Variants in ANXA5 observed in about 807,000 individuals in gnomAD.
ANXA5 encodes the protein annexin A5.
ANXA5 carries 40 observed loss-of-function variants against 48.1 expected under a neutral mutation model. The ratio of observed to expected loss-of-function variants is 0.83; its 90% CI spans 0.65 to 1.08. ANXA5 has a LOEUF of 1.08. ANXA5 is among the 50% of genes least tolerant of loss of function. ANXA5 has a pLI of 0.00. For missense variants in ANXA5, 357 were observed against 376.8 expected (o/e 0.95, Z 0.44); for synonymous variants, 113 against 129.1 (o/e 0.88, Z 0.85).
Position 121,696,597 on chromosome 4 carries a change from A to T in ANXA5, c.-8T>A, listed in dbSNP as rs752421416. 7.5e-5 allele frequency: 108 copies of T among 1,430,708 alleles called. No individual in the cohort carries two copies. Among genetic ancestry groups the T allele is most frequent in the Non-Finnish European group, 9.5e-5 (103 of 1,081,922 alleles). 88.6% of individuals were successfully genotyped at this position (1,430,708 alleles called of 1,614,324 possible). ...CGGCCTTACCTGTGCCATGGCGACTACTCAGGTCAGGGGAAGGTGAAGCAG... is the reference window on the plus strand; with the variant it reads ...CGGCCTTACCTGTGCCATGGCGACTTCTCAGGTCAGGGGAAGGTGAAGCAG... On this transcript the variant is annotated 5_prime_UTR_variant, in exon 2 of 13. Transcript: ENST00000296511.
At chr4:121,670,282 A>G (rs934879623) in intron 10 of ANXA5, among the ~76,000 whole-genome samples, 1 of 152,208 alleles carries the variant, frequency 6.6e-6, no homozygotes, top group Non-Finnish European at 1.5e-5. Context: ...TGGTTCTGTG[A>G]AGACTTTTTG....
intron 2 of ANXA5, among the ~76,000 whole-genome samples, chr4:121,689,791 G>C (rs17051389): frequency 6.6e-6 from 1 of 152,172 alleles, no homozygotes. Context: ...GGAACCGACT[G>C]TGCAAGAGTG....
At chr4:121,673,841 GTTCA>G (rs1724651605) in intron 8 of ANXA5, among the ~76,000 whole-genome samples, 1 of 151,914 alleles carries the variant, frequency 6.6e-6, no homozygotes, top group South Asian at 2.1e-4. Flanking sequence ...AACAACGCAA[GTTCA>G]TTGAGAAATT....
At position 121,668,440 on chromosome 4, in the gene ANXA5, A is replaced by C; in HGVS notation, c.*28T>G. Reference sequence around the variant, plus strand: ...GAAGGCAGTGGGGTGGTGCAGGCACACAGCAGGGAGCTCTTCCCCGTGACA... The same window carrying C: ...GAAGGCAGTGGGGTGGTGCAGGCACCCAGCAGGGAGCTCTTCCCCGTGACA... On this transcript the variant is annotated 3_prime_UTR_variant, in exon 13 of 13. Transcript: ENST00000296511. 1.2e-6 allele frequency: 2 copies of C among 1,611,520 alleles called. No homozygotes were observed. Among genetic ancestry groups the C allele is most frequent in the Non-Finnish European group, 1.7e-6 (2 of 1,177,912 alleles).
rs942073009 is a variant in ANXA5, at chr4:121,671,702, T to G, written c.626-60A>C. ...GGGATCACTCTTTCCAGAAAGATGG[T>G]ATTTACTTTGATTAGGTAGTGTCTT... On this transcript the variant is annotated intron_variant, in intron 9 of 12. Coordinates refer to ENST00000296511, the MANE Select transcript of ANXA5 (RefSeq NM_001154.4). 15 of 1,202,654 alleles carry G rather than the reference T, an allele frequency of 1.2e-5. No individual in the cohort carries two copies. In the South Asian group the frequency reaches 1.9e-4, roughly 15 times the overall value. The allele number at this position is 1,202,654 out of a possible 1,614,324, so 74.5% of individuals were successfully genotyped here.
chr4:121,694,168 AG>A (rs1725038002), intron 2 of ANXA5, among the ~76,000 whole-genome samples: 2 of 151,634 alleles, frequency 1.3e-5, no homozygotes, highest in African/African-American at 4.8e-5. Flanking sequence ...TAATGGGTGC[AG>A]CACACCAACA....
chr4:121,688,903 A>G (rs1202341447), intron 2 of ANXA5, among the ~76,000 whole-genome samples: 1 of 152,122 alleles, frequency 6.6e-6, no homozygotes, highest in East Asian at 1.9e-4. Context: ...TGTCTCGTGG[A>G]GAGGTTATGA....
chr4:121,671,730 T>A (rs1724616400), intron 9 of ANXA5, 88 bp from the exon 10 acceptor site: 1 of 885,796 alleles, frequency 1.1e-6, no homozygotes, highest in South Asian at 1.5e-5. Context: ...AGTGTCTTAC[T>A]GAACACAAAT....
intron 7 of ANXA5, 172 bp from the exon 8 acceptor site, chr4:121,678,122 C>T: frequency 1.6e-6 from 1 of 626,432 alleles, no homozygotes; most frequent in South Asian, 2.0e-5. Context: ...TGTCCAAAAC[C>T]AATAATGACC....
chr4:121,687,717 TTC>T (rs1724917324), intron 2 of ANXA5, among the ~76,000 whole-genome samples: 1 of 152,194 alleles, frequency 6.6e-6, no homozygotes, highest in African/African-American at 2.4e-5. Flanking sequence ...TTCAGTGGCC[TTC>T]TCTCTTTAGT....
intron 2 of ANXA5, 105 bp downstream of exon 2, chr4:121,696,476 C>G (rs2306415): frequency 0.13 from 146,859 of 1,113,894 alleles, 9,878 homozygotes; most frequent in South Asian, 0.21. Flanking sequence ...AGCAGGTTCC[C>G]TTTCCTCCTA....
chr4:121,671,655 A>C lies in ANXA5; in HGVS notation c.626-13T>G. ...TACTTGTCAAACACTAGAAAAAATA[A>C]AAATGATTCCCTAATCATGTAGGGA... On this transcript the variant is annotated splice_polypyrimidine_tract_variant and intron_variant, in intron 9 of 12. Coordinates refer to ENST00000296511, the MANE Select transcript of ANXA5 (RefSeq NM_001154.4). The C allele has an allele frequency of 6.4e-7, 1 of 1,551,044 alleles. No individual in the cohort carries two copies.
At chr4:121,692,538 A>G (rs1725005037) in intron 2 of ANXA5, among the ~76,000 whole-genome samples, 1 of 152,190 alleles carries the variant, frequency 6.6e-6, no homozygotes, top group East Asian at 1.9e-4. Context: ...CATTCCATGA[A>G]TAACACTTGA....
intron 8 of ANXA5, 96 bp from the exon 9 acceptor site, chr4:121,672,722 C>T (rs948538805): frequency 1.1e-5 from 9 of 810,506 alleles, no homozygotes; most frequent in Non-Finnish European, 1.9e-5. Flanking sequence ...TTTTAACTCA[C>T]TTGATTCATC....
chr4:121,680,429 T>C (rs1420991104), intron 6 of ANXA5, among the ~76,000 whole-genome samples: 2 of 152,254 alleles, frequency 1.3e-5, no homozygotes, highest in Non-Finnish European at 2.9e-5. Flanking sequence ...GAATGCATTA[T>C]TGCATTTAAC....
At chr4:121,672,789 G>C (rs995427330) in intron 8 of ANXA5, among the ~76,000 whole-genome samples, 163 bp from the exon 9 acceptor site, 1 of 152,172 alleles carries the variant, frequency 6.6e-6, no homozygotes, top group Non-Finnish European at 1.5e-5. Flanking sequence ...TCAGCTCACT[G>C]AGTTTGGAGC....
intron 6 of ANXA5, among the ~76,000 whole-genome samples, chr4:121,679,419 T>C (rs1199064787): frequency 1.3e-5 from 2 of 152,178 alleles, no homozygotes; most frequent in African/African-American, 4.8e-5. Context: ...AACTATCCAA[T>C]TAGCCTCTCA....
chr4:121,678,094 G>A (rs3756281), intron 7 of ANXA5, 144 bp from the exon 8 acceptor site: 320,150 of 691,868 alleles, frequency 0.46, 79,787 homozygotes, highest in East Asian at 0.73. Flanking sequence ...ACTATTTCAC[G>A]TTATCATCAC....
chr4:121,687,680 T>C (rs1724916316), intron 2 of ANXA5, among the ~76,000 whole-genome samples: 1 of 152,196 alleles, frequency 6.6e-6, no homozygotes. Context: ...GTGAAGAACT[T>C]CCCCAGGGCA....
Sources: gnomAD v4.1 joint callset for allele counts (sites outside exome capture counted in the v4.1 genomes callset) on GRCh38, gnomAD v4.1.1 for gene constraint, MANE v1.5 for transcripts, NCBI Gene and HGNC (gene_info 2026-07-23, HGNC 2026-07-21) for gene names.